NTRK2: variants seen among roughly 807,000 people sequenced by gnomAD.
The protein encoded by NTRK2 is neurotrophic receptor tyrosine kinase 2.
Under a neutral mutation model 94.5 loss-of-function variants are expected in NTRK2, and 13 were observed. That is an observed-to-expected ratio of 0.14 (90% CI 0.09 to 0.22). The LOEUF (loss-of-function observed/expected upper bound fraction) is 0.22, where lower values mean the gene tolerates loss of function less well. Among genes scored for constraint, NTRK2 ranks in the 10% least tolerant of loss-of-function variants. The pLI, the probability that NTRK2 is intolerant of heterozygous loss-of-function variation, is 1.00. For synonymous variants in NTRK2, 372 were observed against 407.4 expected (o/e 0.91, Z 1.05); for missense variants, 639 against 1,071.2 (o/e 0.60, Z 5.63).
chr9:84,738,550 C>G (rs891359339), intron 9 of NTRK2, among the ~76,000 whole-genome samples: 11 of 152,186 alleles, frequency 7.2e-5, no homozygotes, highest in African/African-American at 1.4e-4. Context: ...TAATAATTAC[C>G]TTACTGTTGG....
Position 85,013,805 on chromosome 9 carries a change from C to A in NTRK2, c.2173-6401C>A, listed in dbSNP as rs1474962155. Among the ~76,000 whole-genome samples, 4 of 152,262 alleles carry A rather than the reference C, an allele frequency of 2.6e-5. No homozygotes were observed. In the East Asian group the frequency reaches 7.7e-4, roughly 29 times the overall value. On this transcript the variant is annotated intron_variant, in intron 17 of 18. Coordinates refer to ENST00000277120, the MANE Select transcript of NTRK2 (RefSeq NM_006180.6). ...CTAATCATCTCTTAATGGGGCTTGC[C>A]CTTTGGCCTACAAGTTTCTAAGGGA...
At chr9:84,936,862 T>A (rs1159683955) in intron 15 of NTRK2, among the ~76,000 whole-genome samples, 1 of 149,328 alleles carries the variant, frequency 6.7e-6, no homozygotes, top group East Asian at 1.9e-4. Context: ...ACATGTGAAT[T>A]TTTTTTTTTT....
chr9:84,816,928 C>G (rs1300037667), intron 12 of NTRK2, among the ~76,000 whole-genome samples: 7 of 152,130 alleles, frequency 4.6e-5, no homozygotes. Context: ...GAGTGGCAGG[C>G]ATTTGTCACA....
chr9:84,763,442 A>G (rs1056486740), intron 12 of NTRK2, among the ~76,000 whole-genome samples: 24 of 151,728 alleles, frequency 1.6e-4, no homozygotes, highest in African/African-American at 5.1e-4. Flanking sequence ...ACTTTTCATC[A>G]TATATGTGGA....
intron 17 of NTRK2, among the ~76,000 whole-genome samples, chr9:85,019,901 A>T (rs1832630421): frequency 6.6e-6 from 1 of 152,086 alleles, no homozygotes; most frequent in South Asian, 2.1e-4. Context: ...TCTTAGCAGA[A>T]AGTGTGTGTA....
intron 15 of NTRK2, among the ~76,000 whole-genome samples, chr9:84,943,065 A>T (rs1305727336): frequency 6.6e-6 from 1 of 152,180 alleles, no homozygotes; most frequent in African/African-American, 2.4e-5. Flanking sequence ...GTCTTACCAT[A>T]ATAATCTCTT....
At chr9:84,885,417 T>C (rs917453506) in intron 14 of NTRK2, among the ~76,000 whole-genome samples, 1 of 152,196 alleles carries the variant, frequency 6.6e-6, no homozygotes, top group African/African-American at 2.4e-5. Context: ...GGTCTTTATA[T>C]TAAAGACACC....
intron 12 of NTRK2, among the ~76,000 whole-genome samples, chr9:84,776,166 G>GATATAA (rs5898873): frequency 0.11 from 16,735 of 150,934 alleles, 1,044 homozygotes; most frequent in East Asian, 0.2. Context: ...GATAGATATA[G>GATATAA]ATATAAATAT....
Position 84,727,955 on chromosome 9 carries a change from C to A in NTRK2, c.1155C>A (p.Asp385Glu), listed in dbSNP as rs183322024. 1.2e-6 allele frequency: 2 copies of A among 1,613,610 alleles called. No homozygotes were observed. The highest frequency in any genetic ancestry group is 2.7e-5 in the African/African-American group (2 of 75,016). The change falls in exon 9 of 19, where the codon GAC (aspartate) becomes GAA (glutamate). Residue 385 changes from aspartate to glutamate, a missense_variant. Physicochemically the swap from Asp to Glu is conservative, Grantham distance 45. Around this residue, in one of 5 missense-constraint regions of NTRK2, gnomAD observed 343 missense variants for 571.5 expected, o/e 0.60. Coordinates refer to ENST00000277120, the MANE Select transcript of NTRK2 (RefSeq NM_006180.6). The part of the protein sequence containing the change: ...SAHFMGWPGI[D>E]DGANPNYPDV... ...ACTTCATGGGCTGGCCTGGAATTGA[C>A]GATGGTGAGTAACTGACACTTTTGT...
At chr9:84,881,753 C>T (rs1164794676) in intron 14 of NTRK2, among the ~76,000 whole-genome samples, 2 of 152,158 alleles carry the variant, frequency 1.3e-5, no homozygotes, top group East Asian at 1.9e-4. Flanking sequence ...TGCCCATTGC[C>T]ATGTCTGTTC....
chr9:84,817,635 C>T (rs1427791590), intron 12 of NTRK2, among the ~76,000 whole-genome samples: 1 of 152,150 alleles, frequency 6.6e-6, no homozygotes, highest in Non-Finnish European at 1.5e-5. Context: ...AATGCATTAA[C>T]TTTACTTTTT....
Position 85,024,149 on chromosome 9 carries a change from A to T in NTRK2, c.*2712A>T, listed in dbSNP as rs1832919716. The T allele has an allele frequency of 4.3e-6, 1 of 231,578 alleles. No homozygotes were observed. The highest frequency in any genetic ancestry group is 5.6e-5 in the Admixed American group (1 of 17,740). 14.3% of individuals were successfully genotyped at this position (231,578 alleles called of 1,614,324 possible). Reference sequence around the variant, plus strand: ...CTATTACTATCTCTGTTGTCTTAAGAGTATGTGCTGATTTCAGAGACATCT... The same window carrying T: ...CTATTACTATCTCTGTTGTCTTAAGTGTATGTGCTGATTTCAGAGACATCT... On this transcript the variant is annotated 3_prime_UTR_variant, in exon 19 of 19. Transcript: ENST00000277120.
At position 84,790,125 on chromosome 9, in the gene NTRK2, G is replaced by C. The variant is rs2068577089; in HGVS notation, c.1396+38040G>C. 2.0e-5 allele frequency among the ~76,000 whole-genome samples: 3 copies of C among 152,034 alleles called. No individual in the cohort carries two copies. The South Asian group carries it at 6.2e-4, about 32-fold the overall frequency. ...AGACTCTTGGTCTGGGAATCTAAGT[G>C]GTCTATATGCCAGTACTCTCTCAGA... On this transcript the variant is annotated intron_variant, in intron 12 of 18. Coordinates refer to ENST00000277120, the MANE Select transcript of NTRK2 (RefSeq NM_006180.6).
chr9:84,996,803 C>T (rs981600933), intron 17 of NTRK2, among the ~76,000 whole-genome samples: 2 of 152,214 alleles, frequency 1.3e-5, no homozygotes, highest in African/African-American at 2.4e-5. Context: ...TAGAGAGAGA[C>T]ACAGGCTACA....
At chr9:84,695,054 C>CAAAAA (rs61049105) in intron 2 of NTRK2, among the ~76,000 whole-genome samples, 1 of 68,458 alleles carries the variant, frequency 1.5e-5, no homozygotes, top group African/African-American at 4.7e-5. Flanking sequence ...GACTCCGTCT[C>CAAAAA]AAAAAAAAAA....
intron 12 of NTRK2, among the ~76,000 whole-genome samples, chr9:84,760,962 T>C (rs2065513757): frequency 1.3e-5 from 2 of 152,242 alleles, no homozygotes; most frequent in African/African-American, 2.4e-5. Flanking sequence ...ATTAAATTCT[T>C]CCTTATGCAA....
At chr9:84,688,463 C>T (rs1187358) in intron 2 of NTRK2, among the ~76,000 whole-genome samples, 2 of 152,214 alleles carry the variant, frequency 1.3e-5, no homozygotes, top group East Asian at 3.9e-4. Flanking sequence ...TTCAGGGGCT[C>T]CATGTTCCCA....
intron 17 of NTRK2, among the ~76,000 whole-genome samples, chr9:85,015,213 A>G (rs1832080501): frequency 6.6e-6 from 1 of 152,196 alleles, no homozygotes; most frequent in Non-Finnish European, 1.5e-5. Flanking sequence ...CTTAATTCCC[A>G]GACATAATAG....
At chr9:84,827,135 CAG>C (rs2073240546) in intron 12 of NTRK2, among the ~76,000 whole-genome samples, 1 of 152,158 alleles carries the variant, frequency 6.6e-6, no homozygotes, top group Non-Finnish European at 1.5e-5. Flanking sequence ...AGGTGGTCAT[CAG>C]AGTGAATTCT....
Sources: allele counts gnomAD v4.1 joint callset (sites outside exome capture counted in the v4.1 genomes callset), GRCh38; gene constraint gnomAD v4.1.1; regional missense constraint gnomAD v4.1.1; transcripts MANE v1.5; gene names NCBI Gene and HGNC (gene_info 2026-07-23, HGNC 2026-07-21).